The following ABLIM1 variants were observed in gnomAD, a reference collection of about 807,000 sequenced individuals.
The protein encoded by ABLIM1 is actin-binding LIM protein 1.
ABLIM1 carries 40 observed loss-of-function variants against 107.0 expected under a neutral mutation model. The observed-to-expected ratio is 0.37, with a 90% CI of 0.29 to 0.49. ABLIM1 has a LOEUF of 0.49. Among genes scored for constraint, ABLIM1 ranks in the 20% least tolerant of loss-of-function variants. ABLIM1 has a pLI of 0.97. For synonymous variants in ABLIM1, 357 were observed against 357.3 expected, an observed-to-expected ratio of 1.00 and a Z score of 0.01; for missense variants, 857 against 1,008.5, an observed-to-expected ratio of 0.85 and a Z score of 2.04.
At position 114,697,205 on chromosome 10, in the gene ABLIM1, C is replaced by T. The variant is rs146158447; in HGVS notation, c.-213+70856G>A. Among the ~76,000 whole-genome samples the T allele has an allele frequency of 2.9e-3, 443 of 152,282 alleles. 1 individual carries two copies. Among genetic ancestry groups the T allele is most frequent in the African/African-American group, 9.9e-3 (412 of 41,542 alleles). Reference sequence around the variant, plus strand: ...AGCCTCACTGTCCACCAACCCAACCCACCTTCCTTCCCACACTCCGCTCAT... The same window carrying T: ...AGCCTCACTGTCCACCAACCCAACCTACCTTCCTTCCCACACTCCGCTCAT... On this transcript the variant is annotated intron_variant, in intron 1 of 15. Transcript: ENST00000651092.
intron 8 of ABLIM1, among the ~76,000 whole-genome samples, chr10:114,474,946 C>T (rs908668251): frequency 2.0e-5 from 3 of 152,196 alleles, no homozygotes; most frequent in Non-Finnish European, 4.4e-5. Flanking sequence ...CCACGTAAGA[C>T]ATGACTTTGT....
chr10:114,462,780 T>A (rs962002147), intron 12 of ABLIM1, among the ~76,000 whole-genome samples: 1 of 151,882 alleles, frequency 6.6e-6, no homozygotes, highest in Non-Finnish European at 1.5e-5. Flanking sequence ...ATTTTCTTTT[T>A]TCAAAGTAGT....
At chr10:114,477,685 A>T (rs1302388860) in intron 8 of ABLIM1, among the ~76,000 whole-genome samples, 1 of 152,190 alleles carries the variant, frequency 6.6e-6, no homozygotes, top group Non-Finnish European at 1.5e-5. Context: ...CAGTAAAGGC[A>T]GTTCTCTTGG....
chr10:114,542,725 G>A (rs1370388259), intron 6 of ABLIM1, among the ~76,000 whole-genome samples: 2 of 152,198 alleles, frequency 1.3e-5, no homozygotes, highest in Non-Finnish European at 2.9e-5. Flanking sequence ...GGGAAATGGC[G>A]TCAGGCCCCA....
At chr10:114,734,458 G>T (rs1161929012) in intron 1 of ABLIM1, among the ~76,000 whole-genome samples, 1 of 151,912 alleles carries the variant, frequency 6.6e-6, no homozygotes, top group Non-Finnish European at 1.5e-5. Flanking sequence ...AGCCAAATTG[G>T]TTTCCTTCAG....
At chr10:114,527,983 A>G (rs907872524) in intron 6 of ABLIM1, among the ~76,000 whole-genome samples, 2 of 151,670 alleles carry the variant, frequency 1.3e-5, no homozygotes, top group African/African-American at 4.8e-5. Context: ...GACTACAGGT[A>G]TGCACCACCA....
chr10:114,581,350 G>A (rs1342363380), intron 2 of ABLIM1, among the ~76,000 whole-genome samples: 3 of 152,084 alleles, frequency 2.0e-5, no homozygotes, highest in Non-Finnish European at 4.4e-5. Flanking sequence ...TTCTAAAAAC[G>A]GTAGTAACAT....
In ABLIM1 at chr10:114,439,255, A is replaced by G. The variant is rs958048282; in HGVS notation, c.2068-5T>C. On this transcript the variant is annotated splice_polypyrimidine_tract_variant and splice_region_variant and intron_variant, in intron 20 of 22. Transcript: ENST00000533213. ...CATGTGGCCATCTGGGAGTGTCTGC[A>G]ACAGAAATGCCAGTTCCAGGTGAGG... 2 of 1,614,202 alleles carry G rather than the reference A, an allele frequency of 1.2e-6. No individual in the cohort carries two copies. The highest frequency in any genetic ancestry group is 1.7e-5 in the Admixed American group (1 of 60,030).
chr10:114,623,302 C>T (rs1353889921), intron 1 of ABLIM1, among the ~76,000 whole-genome samples: 1 of 152,162 alleles, frequency 6.6e-6, no homozygotes, highest in Non-Finnish European at 1.5e-5. Flanking sequence ...CCCAACTCGC[C>T]CCCATGAAAA....
intron 1 of ABLIM1, among the ~76,000 whole-genome samples, chr10:114,713,082 C>T (rs928128709): frequency 1.3e-5 from 2 of 152,090 alleles, no homozygotes; most frequent in East Asian, 1.9e-4. Flanking sequence ...TATTCTTGCC[C>T]GGTTATTTCT....
intron 4 of ABLIM1, among the ~76,000 whole-genome samples, chr10:114,558,020 G>C (rs1389992397): frequency 1.3e-5 from 2 of 152,072 alleles, no homozygotes; most frequent in Non-Finnish European, 2.9e-5. Flanking sequence ...CAGGGAGATA[G>C]ATTTGAAACT....
At chr10:114,791,575 T>C in the ABLIM1 span, among the ~76,000 whole-genome samples, 1 of 151,614 alleles carries the variant, frequency 6.6e-6, no homozygotes, top group Non-Finnish European at 1.5e-5. Flanking sequence ...GAGGGGGAGC[T>C]TGCAGTGAGC....
At chr10:114,743,595 T>C (rs1368142606) in intron 1 of ABLIM1, among the ~76,000 whole-genome samples, 6 of 152,268 alleles carry the variant, frequency 3.9e-5, no homozygotes, top group African/African-American at 1.4e-4. Context: ...TGAGGAGTTC[T>C]TGAACCTCTA....
At chr10:114,534,829 CTGTTATTTCCAGATA>C (rs984218782) in intron 6 of ABLIM1, among the ~76,000 whole-genome samples, 1 of 152,122 alleles carries the variant, frequency 6.6e-6, no homozygotes, top group Non-Finnish European at 1.5e-5. Context: ...TCTTTTCAAA[CTGTTATTTCCAGATA>C]AGAAAGCCCT....
At chr10:114,583,444 C>T (rs972721355) in intron 2 of ABLIM1, among the ~76,000 whole-genome samples, 1 of 34,500 alleles carries the variant, frequency 2.9e-5, no homozygotes, top group Non-Finnish European at 5.8e-5. Context: ...CACACACACA[C>T]ACACACACAC....
chr10:114,465,953 T>A, intron 11 of ABLIM1, 126 bp from the exon 12 acceptor site: 1 of 1,107,944 alleles, frequency 9.0e-7, no homozygotes, highest in Non-Finnish European at 1.3e-6. Context: ...ATGCACTTAT[T>A]TTTATGTGCA....
intron 1 of ABLIM1, among the ~76,000 whole-genome samples, chr10:114,657,550 C>T (rs1289765652): frequency 6.6e-6 from 1 of 152,176 alleles, no homozygotes; most frequent in East Asian, 1.9e-4. Context: ...CACAGTGACA[C>T]AATTTGGACC....
the ABLIM1 span, among the ~76,000 whole-genome samples, chr10:114,787,768 T>G: frequency 4.9e-4 from 36 of 73,070 alleles, no homozygotes; most frequent in East Asian, 3.2e-3. Context: ...GCCTCTGCCC[T>G]GCCGCCCCTA....
chr10:114,730,525 C>T (rs2082051356), intron 1 of ABLIM1, among the ~76,000 whole-genome samples: 1 of 151,928 alleles, frequency 6.6e-6, no homozygotes, highest in Non-Finnish European at 1.5e-5. Flanking sequence ...TAACTGATCC[C>T]TAAATTACAC....
Sources: gnomAD v4.1 joint callset for allele counts (sites outside exome capture counted in the v4.1 genomes callset) on GRCh38, gnomAD v4.1.1 for gene constraint, MANE v1.5 for transcripts, NCBI Gene and HGNC (gene_info 2026-07-23, HGNC 2026-07-21) for gene names.